The following RSRC1 variants were observed in gnomAD, a reference collection of about 807,000 sequenced individuals.
RSRC1 encodes serine/Arginine-related protein 53.
RSRC1 carries 39 observed loss-of-function variants against 49.1 expected under a neutral mutation model. That is an observed-to-expected ratio of 0.79 (90% CI 0.61 to 1.04). The LOEUF is 1.04. Ranked by LOEUF, RSRC1 falls within the 50% of genes least tolerant of loss-of-function variation. RSRC1 has a pLI of 0.00. For synonymous variants in RSRC1, 143 were observed against 130.8 expected (o/e 1.09, Z -0.63); for missense variants, 388 against 402.4 (o/e 0.96, Z 0.31).
chr3:158,243,887 A>AT (rs1723733276), intron 4 of RSRC1, among the ~76,000 whole-genome samples: 1 of 148,884 alleles, frequency 6.7e-6, no homozygotes. Context: ...TTGCACATTG[A>AT]TTTTGTATCC....
chr3:158,541,403 A>G (rs980006727), intron 8 of RSRC1, among the ~76,000 whole-genome samples: 4 of 152,172 alleles, frequency 2.6e-5, no homozygotes, highest in African/African-American at 9.7e-5. Flanking sequence ...TTTGTTTATA[A>G]TCTGTCAACT....
intron 6 of RSRC1, among the ~76,000 whole-genome samples, chr3:158,389,066 G>T (rs1330013665): frequency 1.3e-5 from 2 of 152,104 alleles, no homozygotes; most frequent in Admixed American, 6.5e-5. Context: ...ATTCTAACTG[G>T]GGAAGTCAGG....
chr3:158,452,036 T>C (rs552207272), intron 6 of RSRC1, among the ~76,000 whole-genome samples: 1 of 152,258 alleles, frequency 6.6e-6, no homozygotes, highest in East Asian at 1.9e-4. Flanking sequence ...TCTGTGATTT[T>C]GAATAAAGTA....
At chr3:158,253,979 T>C (rs1724379192) in intron 4 of RSRC1, among the ~76,000 whole-genome samples, 1 of 152,172 alleles carries the variant, frequency 6.6e-6, no homozygotes, top group Non-Finnish European at 1.5e-5. Context: ...AGTGTTCTCA[T>C]TGTTCAATTC....
chr3:158,545,174 T>A lies in RSRC1; in HGVS notation c.*899T>A, dbSNP rs969105288. On this transcript the variant is annotated 3_prime_UTR_variant, in exon 10 of 10. Transcript: ENST00000611884. ...ACTGGTTTTTAACAGCTGACATGAA[T>A]ATTTCCCGTTTCTATTTTCTTTTTT... 6.6e-6 allele frequency: 1 copy of A among 151,498 alleles called. No homozygotes were observed. The highest frequency in any genetic ancestry group is 3.4e-3 in the Middle Eastern group (1 of 294). The allele number at this position is 151,498 out of a possible 1,614,324, so 9.4% of individuals were successfully genotyped here.
chr3:158,406,270 T>A (rs977267046), intron 6 of RSRC1, among the ~76,000 whole-genome samples: 3 of 152,126 alleles, frequency 2.0e-5, no homozygotes, highest in African/African-American at 7.2e-5. Context: ...ATTGCCATAT[T>A]GTATTATATG....
At chr3:158,345,837 AAAC>A (rs1476342580) in intron 5 of RSRC1, among the ~76,000 whole-genome samples, 1 of 148,244 alleles carries the variant, frequency 6.7e-6, no homozygotes, top group East Asian at 1.9e-4. Flanking sequence ...ATATAATAAT[AAAC>A]AATAATATAT....
At chr3:158,387,659 A>T (rs1733038256) in intron 6 of RSRC1, among the ~76,000 whole-genome samples, 1 of 152,182 alleles carries the variant, frequency 6.6e-6, no homozygotes, top group South Asian at 2.1e-4. Flanking sequence ...GTAAATCCTT[A>T]CAAGTATTGG....
At chr3:158,394,932 A>G (rs1231951811) in intron 6 of RSRC1, among the ~76,000 whole-genome samples, 1 of 152,174 alleles carries the variant, frequency 6.6e-6, no homozygotes, top group African/African-American at 2.4e-5. Context: ...ACCCAACTTC[A>G]GACTATACTT....
At chr3:158,304,910 T>A (rs1362168191) in intron 5 of RSRC1, among the ~76,000 whole-genome samples, 1 of 152,178 alleles carries the variant, frequency 6.6e-6, no homozygotes, top group African/African-American at 2.4e-5. Flanking sequence ...TTAAAATATC[T>A]TTAATGTGGA....
chr3:158,229,590 T>A (rs897340132), intron 4 of RSRC1, among the ~76,000 whole-genome samples: 2 of 151,428 alleles, frequency 1.3e-5, no homozygotes, highest in African/African-American at 4.8e-5. Context: ...AAGTTTCTGG[T>A]TGTGATTGAA....
chr3:158,191,678 A>G (rs1400156331), intron 3 of RSRC1, among the ~76,000 whole-genome samples: 1 of 152,010 alleles, frequency 6.6e-6, no homozygotes, highest in South Asian at 2.1e-4. Context: ...ATAGATCTCC[A>G]TATTGGCTTT....
At chr3:158,474,348 C>G (rs1738277681) in intron 7 of RSRC1, among the ~76,000 whole-genome samples, 1 of 152,102 alleles carries the variant, frequency 6.6e-6, no homozygotes, top group South Asian at 2.1e-4. Flanking sequence ...ATGTACATAC[C>G]TTAGTTGAAT....
intron 4 of RSRC1, among the ~76,000 whole-genome samples, chr3:158,231,546 C>T (rs973812238): frequency 1.3e-5 from 2 of 152,058 alleles, no homozygotes; most frequent in African/African-American, 2.4e-5. Context: ...TCTCTGGTCA[C>T]GTGTGTAACT....
chr3:158,468,785 C>T (rs1325894489), intron 7 of RSRC1, among the ~76,000 whole-genome samples: 1 of 151,992 alleles, frequency 6.6e-6, no homozygotes, highest in Admixed American at 6.6e-5. Context: ...CTCTTTCTTT[C>T]TTAGCATAAA....
At chr3:158,437,290 T>G (rs1368016382) in intron 6 of RSRC1, among the ~76,000 whole-genome samples, 1 of 152,138 alleles carries the variant, frequency 6.6e-6, no homozygotes, top group African/African-American at 2.4e-5. Context: ...ACAAGTATTT[T>G]ATTTCCTTTT....
intron 7 of RSRC1, among the ~76,000 whole-genome samples, chr3:158,515,918 C>G (rs1342845951): frequency 1.3e-5 from 2 of 151,724 alleles, no homozygotes; most frequent in South Asian, 4.2e-4. Flanking sequence ...GCATTCTTCA[C>G]GTAGTTCTCG....
rs185339457 is a variant in RSRC1 at position 158,409,196 on chromosome 3, A to C, written c.584-51739A>C. Among the ~76,000 whole-genome samples the C allele has an allele frequency of 2.9e-3, 439 of 152,230 alleles. 2 individuals carry two copies. Among genetic ancestry groups the C allele is most frequent in the Non-Finnish European group, 3.5e-3 (236 of 68,002 alleles). ...ATAACTAATGGATACTAGGCTTAATAGGTGGATGGTGAAATAATCTATACA... is the reference window on the plus strand; with the variant it reads ...ATAACTAATGGATACTAGGCTTAATCGGTGGATGGTGAAATAATCTATACA... On this transcript the variant is annotated intron_variant, in intron 6 of 9. Transcript: ENST00000611884.
intron 7 of RSRC1, among the ~76,000 whole-genome samples, chr3:158,477,618 TA>T (rs1364681017): frequency 6.6e-6 from 1 of 151,962 alleles, no homozygotes; most frequent in East Asian, 1.9e-4. Context: ...AGTGTAAACA[TA>T]ACTTTTATAT....
Sources: allele counts gnomAD v4.1 joint callset (sites outside exome capture counted in the v4.1 genomes callset), GRCh38; gene constraint gnomAD v4.1.1; transcripts MANE v1.5; gene names NCBI Gene and HGNC (gene_info 2026-07-23, HGNC 2026-07-21).